JARID2: variants seen among roughly 807,000 people sequenced by gnomAD.
JARID2 encodes jumonji and AT-rich interaction domain containing 2.
Under a neutral mutation model 125.6 loss-of-function variants are expected in JARID2, and 21 were observed. The observed-to-expected ratio is 0.17, with a 90% CI of 0.12 to 0.24. JARID2 has a LOEUF of 0.24. Among genes scored for constraint, JARID2 ranks in the 10% least tolerant of loss-of-function variants. The probability of loss-of-function intolerance (pLI) is 1.00; values close to 1 mark genes in which losing one functional copy is unlikely to be tolerated. For missense variants in JARID2, 1,303 were observed against 1,639.6 expected (o/e 0.79, Z 3.55); for synonymous variants, 736 against 661.6 (o/e 1.11, Z -1.73).
intron 3 of JARID2, among the ~76,000 whole-genome samples, chr6:15,435,520 T>C (rs1319816561): frequency 6.6e-6 from 1 of 152,170 alleles, no homozygotes; most frequent in East Asian, 1.9e-4. Flanking sequence ...AAGTTCAGGT[T>C]TGTTTGTGTC....
At chr6:15,485,050 TGATG>T (rs1769800971) in intron 5 of JARID2, among the ~76,000 whole-genome samples, 3 of 152,246 alleles carry the variant, frequency 2.0e-5, no homozygotes, top group Admixed American at 1.3e-4. Flanking sequence ...TGGGCATGAT[TGATG>T]GTTTCTGACA....
intron 1 of JARID2, among the ~76,000 whole-genome samples, chr6:15,327,237 A>G (rs542505031): frequency 1.7e-4 from 26 of 152,018 alleles, no homozygotes; most frequent in Middle Eastern, 6.8e-3. Flanking sequence ...GGTAACTTCT[A>G]GGTTCCTTTT....
chr6:15,471,086 T>C (rs1253354007), intron 5 of JARID2, among the ~76,000 whole-genome samples: 5 of 152,210 alleles, frequency 3.3e-5, no homozygotes, highest in Non-Finnish European at 7.3e-5. Flanking sequence ...AACCTGAACT[T>C]GAGAAGCTAC....
intron 5 of JARID2, among the ~76,000 whole-genome samples, chr6:15,479,915 G>T (rs772002573): frequency 6.6e-6 from 1 of 152,216 alleles, no homozygotes; most frequent in Non-Finnish European, 1.5e-5. Flanking sequence ...GCACAGGTTG[G>T]CAGACATTCC....
chr6:15,298,539 G>A (rs1215913170), intron 1 of JARID2, among the ~76,000 whole-genome samples: 2 of 151,998 alleles, frequency 1.3e-5, no homozygotes, highest in South Asian at 2.1e-4. Context: ...AATTAGCTGG[G>A]TGTGGTGGTG....
intron 6 of JARID2, among the ~76,000 whole-genome samples, chr6:15,493,186 G>A (rs559007013): frequency 2.6e-5 from 4 of 152,116 alleles, no homozygotes; most frequent in Admixed American, 1.3e-4. Flanking sequence ...ATAGCACTCT[G>A]GTATTTGGAC....
chr6:15,323,944 A>T (rs1015137307), intron 1 of JARID2, among the ~76,000 whole-genome samples: 2 of 151,622 alleles, frequency 1.3e-5, no homozygotes, highest in African/African-American at 4.9e-5. Flanking sequence ...GCATTTTGGG[A>T]GGCTGAGGCG....
chr6:15,403,013 T>C (rs1253798789), intron 2 of JARID2, among the ~76,000 whole-genome samples: 1 of 152,132 alleles, frequency 6.6e-6, no homozygotes, highest in East Asian at 1.9e-4. Context: ...ATTATTATTA[T>C]TCTAGGTACT....
chr6:15,263,704 T>C (rs997929472), intron 1 of JARID2, among the ~76,000 whole-genome samples: 1 of 151,706 alleles, frequency 6.6e-6, no homozygotes, highest in African/African-American at 2.4e-5. Flanking sequence ...GTGATTCTCC[T>C]GCCTCAGCCT....
At position 15,508,325 on chromosome 6, in the gene JARID2, CTCTT is replaced by C; in HGVS notation, c.2732-11_2732-8del. 1 of 1,363,886 alleles carries C rather than the reference CTCTT, an allele frequency of 7.3e-7. No homozygotes were observed. Among genetic ancestry groups the C allele is most frequent in the Admixed American group, 1.7e-5 (1 of 59,650 alleles). The allele number at this position is 1,363,886 out of a possible 1,614,324, so 84.5% of individuals were successfully genotyped here. Reference sequence around the variant, plus strand: ...CTAGCTTTTAAAAATGCCCTTTTCACTCTTTCTGTTTTAGGAGTGACTATTCCCT... The same window carrying C: ...CTAGCTTTTAAAAATGCCCTTTTCACTCTGTTTTAGGAGTGACTATTCCCT... On this transcript the variant is annotated splice_polypyrimidine_tract_variant and intron_variant, in intron 11 of 17. Transcript: ENST00000341776.
At chr6:15,402,162 G>A (rs1765463673) in intron 2 of JARID2, among the ~76,000 whole-genome samples, 1 of 152,084 alleles carries the variant, frequency 6.6e-6, no homozygotes, top group Admixed American at 6.5e-5. Flanking sequence ...ACAAATTATG[G>A]TGTCAGTCAG....
At chr6:15,262,624 C>T (rs1266074874) in intron 1 of JARID2, among the ~76,000 whole-genome samples, 5 of 150,890 alleles carry the variant, frequency 3.3e-5, no homozygotes, top group African/African-American at 7.3e-5. Flanking sequence ...CCTCCACTTC[C>T]GGGTCCCTGT....
chr6:15,511,891 A>G (rs1287411864), intron 13 of JARID2, among the ~76,000 whole-genome samples: 4 of 152,266 alleles, frequency 2.6e-5, no homozygotes, highest in South Asian at 4.1e-4. Flanking sequence ...CCTGTGGCCT[A>G]CTTGGCTCTG....
chr6:15,477,944 A>T (rs1054066692), intron 5 of JARID2, among the ~76,000 whole-genome samples: 4 of 152,200 alleles, frequency 2.6e-5, no homozygotes, highest in African/African-American at 4.8e-5. Flanking sequence ...GTGTTGTGAC[A>T]TCATCAGCCT....
chr6:15,321,256 G>T (rs958014444), intron 1 of JARID2, among the ~76,000 whole-genome samples: 4 of 152,094 alleles, frequency 2.6e-5, no homozygotes, highest in Admixed American at 6.6e-5. Context: ...TAAAGGGAAT[G>T]AAGGGAATGT....
chr6:15,344,391 G>A (rs16876240), intron 1 of JARID2, among the ~76,000 whole-genome samples: 1 of 151,686 alleles, frequency 6.6e-6, no homozygotes, highest in African/African-American at 2.4e-5. Context: ...GTCAGACTCG[G>A]CTGATGTAAT....
chr6:15,380,100 A>G (rs1226325204), intron 2 of JARID2, among the ~76,000 whole-genome samples: 1 of 151,536 alleles, frequency 6.6e-6, no homozygotes, highest in African/African-American at 2.4e-5. Context: ...TAATGGCGCA[A>G]TCTCTGCCCA....
chr6:15,400,268 C>A (rs1375157062), intron 2 of JARID2, among the ~76,000 whole-genome samples: 1 of 151,842 alleles, frequency 6.6e-6, no homozygotes, highest in Non-Finnish European at 1.5e-5. Flanking sequence ...TAATGAGGCT[C>A]CGTGGAAGCT....
At chr6:15,298,400 A>G (rs1761487743) in intron 1 of JARID2, among the ~76,000 whole-genome samples, 2 of 152,044 alleles carry the variant, frequency 1.3e-5, no homozygotes, top group Non-Finnish European at 2.9e-5. Context: ...TTCCATGGGT[A>G]TCTTTTCGGG....
Sources: allele counts gnomAD v4.1 joint callset (sites outside exome capture counted in the v4.1 genomes callset), GRCh38; gene constraint gnomAD v4.1.1; transcripts MANE v1.5; gene names NCBI Gene and HGNC (gene_info 2026-07-23, HGNC 2026-07-21).